The following GNA14 variants were observed in gnomAD, a reference collection of about 807,000 sequenced individuals.
GNA14 encodes the protein G protein subunit alpha 14, also known as guanine nucleotide-binding protein subunit alpha-14.
GNA14 carries 50 observed loss-of-function variants against 42.0 expected under a neutral mutation model. That is an observed-to-expected ratio of 1.19 (90% CI 0.95 to 1.51). The LOEUF (loss-of-function observed/expected upper bound fraction) is 1.51. GNA14 is among the 40% of genes most tolerant of loss of function. The pLI is 0.00. For synonymous variants in GNA14, 173 were observed against 163.1 expected (o/e 1.06, Z -0.46); for missense variants, 473 against 446.2 (o/e 1.06, Z -0.54).
intron 1 of GNA14, among the ~76,000 whole-genome samples, chr9:77,628,350 C>G (rs1424168195): frequency 1.3e-5 from 2 of 152,152 alleles, no homozygotes; most frequent in South Asian, 4.1e-4. Context: ...CCCCATCAAG[C>G]TACCATTGAC....
Position 77,428,875 on chromosome 9 carries a change from C to T in GNA14, c.723+32G>A, listed in dbSNP as rs749818021. On this transcript the variant is annotated intron_variant, in intron 5 of 6. Transcript: ENST00000341700. ...GAAACCACAGAATAGGCTCTGGCTT[C>T]CACAGCTACCCAAACTTCCCGCCCA... is the stretch of plus-strand genomic sequence containing the variant. 8.1e-6 allele frequency: 13 copies of T among 1,608,220 alleles called. No homozygotes were observed. In the African/African-American group the frequency reaches 1.6e-4, roughly 20 times the overall value.
At position 77,464,365 on chromosome 9, in the gene GNA14, G is replaced by A. The variant is rs921722231; in HGVS notation, c.310-29843C>T. Among the ~76,000 whole-genome samples the A allele has an allele frequency of 2.5e-4, 37 of 150,030 alleles. 2 individuals are homozygous for A. The highest frequency in any genetic ancestry group is 6.6e-5 in the Admixed American group (1 of 15,138). ...TGTGTGTGTATATGTGTGTGTGTGT[G>A]TGTGTGTGTGTGTGTGTGTGTGTGT... is the stretch of plus-strand genomic sequence containing the variant. On this transcript the variant is annotated intron_variant, in intron 2 of 6. Coordinates refer to ENST00000341700, the MANE Select transcript of GNA14 (RefSeq NM_004297.4).
chr9:77,502,936 C>G (rs1422428079), intron 2 of GNA14, among the ~76,000 whole-genome samples: 1 of 152,104 alleles, frequency 6.6e-6, no homozygotes, highest in Admixed American at 6.6e-5. Flanking sequence ...TTTGTTGGAG[C>G]TTTTTTGTCT....
At chr9:77,627,951 T>C (rs1452775626) in intron 1 of GNA14, among the ~76,000 whole-genome samples, 6 of 152,162 alleles carry the variant, frequency 3.9e-5, no homozygotes, top group African/African-American at 1.2e-4. Context: ...GAAGTCAAAT[T>C]GGCCCTGTTT....
intron 2 of GNA14, among the ~76,000 whole-genome samples, chr9:77,480,985 T>C (rs1369062856): frequency 6.6e-6 from 1 of 152,126 alleles, no homozygotes; most frequent in East Asian, 1.9e-4. Flanking sequence ...TTTGTTGATC[T>C]TTTCAAAAAA....
chr9:77,539,617 G>T (rs572432426), intron 1 of GNA14, among the ~76,000 whole-genome samples: 5 of 152,136 alleles, frequency 3.3e-5, no homozygotes, highest in Non-Finnish European at 7.4e-5. Flanking sequence ...GTAGAGTTTG[G>T]CTGTGAATCC....
intron 1 of GNA14, among the ~76,000 whole-genome samples, chr9:77,585,447 T>C (rs1564059969): frequency 6.6e-6 from 1 of 152,216 alleles, no homozygotes; most frequent in East Asian, 1.9e-4. Flanking sequence ...CTCTTATCAA[T>C]GAAGAAGGCA....
intron 2 of GNA14, among the ~76,000 whole-genome samples, chr9:77,511,191 T>C (rs1837161846): frequency 6.6e-6 from 1 of 152,130 alleles, no homozygotes; most frequent in Non-Finnish European, 1.5e-5. Flanking sequence ...AGACAGCTCC[T>C]CCATTCCCCC....
At position 77,518,748 on chromosome 9, in the gene GNA14, C is replaced by T. The variant is rs144594454; in HGVS notation, c.309+10321G>A. Among the ~76,000 whole-genome samples, 146 of 152,216 alleles carry T rather than the reference C, an allele frequency of 9.6e-4. 4 individuals carry two copies. The Middle Eastern group carries it at 0.048, about 50-fold the overall frequency. On this transcript the variant is annotated intron_variant, in intron 2 of 6. Coordinates refer to ENST00000341700, the MANE Select transcript of GNA14 (RefSeq NM_004297.4). ...CTTCTTATCTTTAATGAATTGTGTA[C>T]CCACACACAGAAGCAAATAACTTCC...
At chr9:77,598,849 C>T (rs1823507532) in intron 1 of GNA14, among the ~76,000 whole-genome samples, 2 of 152,172 alleles carry the variant, frequency 1.3e-5, no homozygotes, top group South Asian at 2.1e-4. Flanking sequence ...AAGGGAAAAA[C>T]ACCATGGTAA....
At chr9:77,482,217 C>CTTTCAAACTAGAA (rs1554690932) in intron 2 of GNA14, among the ~76,000 whole-genome samples, 4 of 151,718 alleles carry the variant, frequency 2.6e-5, no homozygotes, top group Non-Finnish European at 3.0e-5. Context: ...TTAGTGCTTC[C>CTTTCAAACTAGAA]TTCAGGAGCT....
intron 1 of GNA14, among the ~76,000 whole-genome samples, chr9:77,547,231 A>G (rs995671018): frequency 6.6e-6 from 1 of 152,248 alleles, no homozygotes; most frequent in Non-Finnish European, 1.5e-5. Flanking sequence ...GGGGAAACAC[A>G]GTGAAAAAGG....
At chr9:77,562,772 ATTTTG>A (rs996409703) in intron 1 of GNA14, among the ~76,000 whole-genome samples, 3 of 152,272 alleles carry the variant, frequency 2.0e-5, no homozygotes, top group East Asian at 1.9e-4. Flanking sequence ...TATGTTTAAA[ATTTTG>A]TTTTATTTTT....
At chr9:77,625,444 C>G (rs943016842) in intron 1 of GNA14, among the ~76,000 whole-genome samples, 10 of 150,910 alleles carry the variant, frequency 6.6e-5, no homozygotes, top group African/African-American at 2.4e-4. Context: ...AGATAGTTGT[C>G]AGGTTGAAAT....
intron 1 of GNA14, among the ~76,000 whole-genome samples, chr9:77,637,559 A>G (rs1227089554): frequency 2.0e-5 from 3 of 152,198 alleles, no homozygotes; most frequent in African/African-American, 7.2e-5. Context: ...TATCTATTCT[A>G]TTGTTAAAGT....
chr9:77,498,772 T>C (rs1254541541), intron 2 of GNA14, among the ~76,000 whole-genome samples: 1 of 152,166 alleles, frequency 6.6e-6, no homozygotes, highest in Non-Finnish European at 1.5e-5. Context: ...TGATGACCAT[T>C]TTCGGAGCCA....
intron 1 of GNA14, among the ~76,000 whole-genome samples, chr9:77,531,829 T>C (rs1469131378): frequency 6.6e-6 from 1 of 152,220 alleles, no homozygotes; most frequent in Non-Finnish European, 1.5e-5. Context: ...ACCCATTTTT[T>C]ATTTCAGACA....
intron 1 of GNA14, among the ~76,000 whole-genome samples, chr9:77,609,424 C>G (rs1823694611): frequency 6.6e-6 from 1 of 152,126 alleles, no homozygotes; most frequent in South Asian, 2.1e-4. Flanking sequence ...AAGCCCTCAC[C>G]AAAATTGCCT....
At chr9:77,645,956 C>A (rs2118047163) in intron 1 of GNA14, among the ~76,000 whole-genome samples, 1 of 152,326 alleles carries the variant, frequency 6.6e-6, no homozygotes, top group African/African-American at 2.4e-5. Flanking sequence ...AGCCCCGCAC[C>A]CATAGTTATT....
Sources: gnomAD v4.1 joint callset for allele counts (sites outside exome capture counted in the v4.1 genomes callset) on GRCh38, gnomAD v4.1.1 for gene constraint, MANE v1.5 for transcripts, NCBI Gene and HGNC (gene_info 2026-07-23, HGNC 2026-07-21) for gene names.